The following ANXA10 variants were observed in gnomAD, a reference collection of about 807,000 sequenced individuals.
ANXA10 encodes annexin A10.
Under a neutral mutation model 53.5 loss-of-function variants are expected in ANXA10, and 49 were observed. The ratio of observed to expected loss-of-function variants is 0.92; its 90% CI spans 0.73 to 1.16. The LOEUF is 1.16. Among genes scored for constraint, ANXA10 ranks in the 50% most tolerant of loss-of-function variants. The pLI, the probability that ANXA10 is intolerant of heterozygous loss-of-function variation, is 0.00. For synonymous variants in ANXA10, 131 were observed against 128.9 expected, an observed-to-expected ratio of 1.02 and a Z score of -0.11; for missense variants, 393 against 394.4, an observed-to-expected ratio of 1.00 and a Z score of 0.03.
At chr4:168,114,494 T>C (rs1730859275) in intron 1 of ANXA10, among the ~76,000 whole-genome samples, 1 of 152,246 alleles carries the variant, frequency 6.6e-6, no homozygotes, top group Non-Finnish European at 1.5e-5. Flanking sequence ...AGCACATGTA[T>C]AGTGTCCCCT....
chr4:168,154,000 A>G lies in ANXA10; in HGVS notation c.196-8528A>G, dbSNP rs905559600. On this transcript the variant is annotated intron_variant, in intron 3 of 11. Coordinates refer to ENST00000359299, the MANE Select transcript of ANXA10 (RefSeq NM_007193.5). ...TATGTATACACACACACACACACAC[A>G]CACGCACACACGCGCGCGCGCGTGC... is the stretch of plus-strand genomic sequence containing the variant. 1.2e-4 allele frequency among the ~76,000 whole-genome samples: 18 copies of G among 151,618 alleles called. No individual in the cohort carries two copies. In the East Asian group the frequency reaches 1.6e-3, roughly 13 times the overall value.
chr4:168,100,837 C>T (rs1035552753), intron 1 of ANXA10, among the ~76,000 whole-genome samples: 1 of 151,698 alleles, frequency 6.6e-6, no homozygotes, highest in African/African-American at 2.4e-5. Context: ...TTTGAATTAC[C>T]CTTCCCCCAG....
chr4:168,139,036 T>C (rs1366479213), intron 2 of ANXA10, among the ~76,000 whole-genome samples: 1 of 152,198 alleles, frequency 6.6e-6, no homozygotes, highest in Non-Finnish European at 1.5e-5. Context: ...GATCATATCA[T>C]CAGCAAACTG....
At chr4:168,146,948 G>A (rs970927878) in intron 3 of ANXA10, among the ~76,000 whole-genome samples, 1 of 152,180 alleles carries the variant, frequency 6.6e-6, no homozygotes, top group African/African-American at 2.4e-5. Context: ...AGGTGTTTCT[G>A]AGTTGAGTAG....
chr4:168,144,492 TCTTA>T lies in ANXA10; in HGVS notation c.195+4918_195+4921del, dbSNP rs920374986. 1.5e-3 allele frequency among the ~76,000 whole-genome samples: 221 copies of T among 152,326 alleles called. 2 individuals carry two copies. Among genetic ancestry groups the T allele is most frequent in the African/African-American group, 3.9e-3 (164 of 41,578 alleles). ...ATGAGCCACTGCGCCCAGTTGTTGTTCTTACTTACCACTAGAAAATTGACCTGTT... is the reference window on the plus strand; with the variant it reads ...ATGAGCCACTGCGCCCAGTTGTTGTTCTTACCACTAGAAAATTGACCTGTT... On this transcript the variant is annotated intron_variant, in intron 3 of 11. Coordinates refer to ENST00000359299, the MANE Select transcript of ANXA10 (RefSeq NM_007193.5).
In ANXA10 at chr4:168,187,439, AAGAGGACTT is replaced by A; in HGVS notation, c.*6_*14del. The A allele has an allele frequency of 1.3e-6, 2 of 1,577,698 alleles. No individual in the cohort carries two copies. The highest frequency in any genetic ancestry group is 1.7e-5 in the Admixed American group (1 of 58,328). On this transcript the variant is annotated 3_prime_UTR_variant, in exon 12 of 12. Coordinates refer to ENST00000359299, the MANE Select transcript of ANXA10 (RefSeq NM_007193.5). ...GGTGATGCTGAGGACTACTAAAATG[AAGAGGACTT>A]GGAGTACTGTGCACTCCTCTTTCTA...
chr4:168,158,387 C>T (rs551066851), intron 3 of ANXA10, among the ~76,000 whole-genome samples: 39 of 152,246 alleles, frequency 2.6e-4, no homozygotes, highest in African/African-American at 8.7e-4. Context: ...CTTTTACTTT[C>T]TTCAAAGTTC....
chr4:168,153,657 C>T (rs1406783884), intron 3 of ANXA10, among the ~76,000 whole-genome samples: 2 of 151,978 alleles, frequency 1.3e-5, no homozygotes, highest in Non-Finnish European at 2.9e-5. Context: ...GTTGGAAAGA[C>T]ATATATTGAA....
chr4:168,114,722 TGTAA>T (rs368321937), intron 1 of ANXA10, among the ~76,000 whole-genome samples: 159 of 152,206 alleles, frequency 1.0e-3, no homozygotes, highest in African/African-American at 3.4e-3. Context: ...AGCTTCCACT[TGTAA>T]GTAAGAACAT....
At chr4:168,156,219 A>AT (rs1560784569) in intron 3 of ANXA10, among the ~76,000 whole-genome samples, 1 of 21,568 alleles carries the variant, frequency 4.6e-5, no homozygotes, top group Non-Finnish European at 8.2e-5. Context: ...TATTATATGT[A>AT]ATATGTATTA....
intron 6 of ANXA10, among the ~76,000 whole-genome samples, chr4:168,173,798 C>T (rs927436602): frequency 1.3e-5 from 2 of 152,298 alleles, no homozygotes; most frequent in East Asian, 3.9e-4. Context: ...TGGTTGATCC[C>T]CAGCCTTCAC....
chr4:168,096,408 C>A (rs534739935), intron 1 of ANXA10, among the ~76,000 whole-genome samples: 1 of 152,240 alleles, frequency 6.6e-6, no homozygotes, highest in East Asian at 1.9e-4. Flanking sequence ...ATGGCTTCAA[C>A]TTTTACTGAA....
At chr4:168,156,433 A>C (rs1383124101) in intron 3 of ANXA10, among the ~76,000 whole-genome samples, 1 of 29,782 alleles carries the variant, frequency 3.4e-5, no homozygotes, top group Non-Finnish European at 7.5e-5. Flanking sequence ...ATACTATATA[A>C]TATATAATTT....
chr4:168,092,932 A>T (rs1730482760), intron 1 of ANXA10, among the ~76,000 whole-genome samples: 1 of 152,176 alleles, frequency 6.6e-6, no homozygotes, highest in African/African-American at 2.4e-5. Context: ...TTACTATGAT[A>T]ACAAGATTTT....
intron 2 of ANXA10, among the ~76,000 whole-genome samples, chr4:168,132,516 C>T (rs979093316): frequency 6.6e-6 from 1 of 151,944 alleles, no homozygotes; most frequent in African/African-American, 2.4e-5. Context: ...GAGGATGGTT[C>T]ATGGGTACAA....
intron 3 of ANXA10, among the ~76,000 whole-genome samples, chr4:168,148,277 C>G (rs1423380205): frequency 6.6e-6 from 1 of 151,590 alleles, no homozygotes; most frequent in Non-Finnish European, 1.5e-5. Context: ...AAGCAATTCT[C>G]TGCCTCAGCC....
In ANXA10 at chr4:168,134,708, T is replaced by G. The variant is rs573956195; in HGVS notation, c.101-4778T>G. ...CAGACATCATCTTTCTCTATGCCTT[T>G]TCAGTGGAGTCTGCCTTTTCTCTCA... On this transcript the variant is annotated intron_variant, in intron 2 of 11. Coordinates refer to ENST00000359299, the MANE Select transcript of ANXA10 (RefSeq NM_007193.5). 2.0e-5 allele frequency among the ~76,000 whole-genome samples: 3 copies of G among 152,298 alleles called. No individual in the cohort carries two copies. In the South Asian group the frequency reaches 6.2e-4, roughly 32 times the overall value.
At position 168,162,654 on chromosome 4, in the gene ANXA10, T is replaced by C. The variant is rs751552468; in HGVS notation, c.309+13T>C. 1.0e-4 allele frequency: 168 copies of C among 1,606,390 alleles called. No homozygotes were observed. Among genetic ancestry groups the C allele is most frequent in the Non-Finnish European group, 1.2e-4 (139 of 1,173,278 alleles). On this transcript the variant is annotated intron_variant, in intron 4 of 11. Transcript: ENST00000359299. ...GCATGCCATGAAGGTAGTGATCTGATCCAAAAATATGCCTGTAACAAGTAC... is the reference window on the plus strand; with the variant it reads ...GCATGCCATGAAGGTAGTGATCTGACCCAAAAATATGCCTGTAACAAGTAC...
chr4:168,122,398 C>T lies in ANXA10; in HGVS notation c.19-5686C>T, dbSNP rs142893828. 2.6e-3 allele frequency among the ~76,000 whole-genome samples: 390 copies of T among 152,298 alleles called. 1 individual carries two copies. Among genetic ancestry groups the T allele is most frequent in the African/African-American group, 8.3e-3 (343 of 41,556 alleles). On this transcript the variant is annotated intron_variant, in intron 1 of 11. Transcript: ENST00000359299. Reference sequence around the variant, plus strand: ...TTGAAACTCGCACATACATTTTAAGCCCAATATAATACTCTGTACTATAGA... The same window carrying T: ...TTGAAACTCGCACATACATTTTAAGTCCAATATAATACTCTGTACTATAGA...
Sources: gnomAD v4.1 joint callset for allele counts (sites outside exome capture counted in the v4.1 genomes callset) on GRCh38, gnomAD v4.1.1 for gene constraint, MANE v1.5 for transcripts, NCBI Gene and HGNC (gene_info 2026-07-23, HGNC 2026-07-21) for gene names.